Variants in MAST2 observed in about 807,000 individuals in gnomAD.
MAST2 encodes microtubule associated serine/threonine kinase 2.
MAST2 carries 70 observed loss-of-function variants against 147.4 expected under a neutral mutation model. That is an observed-to-expected ratio of 0.47 (90% confidence interval 0.39 to 0.58). The LOEUF (loss-of-function observed/expected upper bound fraction) is 0.58. Among genes scored for constraint, MAST2 ranks in the 20% least tolerant of loss-of-function variants. MAST2 has a pLI of 0.00. For synonymous variants in MAST2, 869 were observed against 896.8 expected (o/e 0.97, Z 0.55); for missense variants, 2,080 against 2,302.3 (o/e 0.90, Z 1.98).
chr1:45,974,590 C>A (rs1376114456), intron 5 of MAST2, among the ~76,000 whole-genome samples: 1 of 152,050 alleles, frequency 6.6e-6, no homozygotes, highest in Non-Finnish European at 1.5e-5. Context: ...AAGAGCAAGA[C>A]CCTGTCTCAA....
chr1:46,024,997 G>T (rs1315783745), intron 15 of MAST2, among the ~76,000 whole-genome samples: 1 of 152,164 alleles, frequency 6.6e-6, no homozygotes, highest in African/African-American at 2.4e-5. Context: ...ACAAGAGAGA[G>T]CTTGTGCAGG....
chr1:45,945,848 C>T (rs1305149878), intron 4 of MAST2, among the ~76,000 whole-genome samples: 1 of 152,090 alleles, frequency 6.6e-6, no homozygotes, highest in Non-Finnish European at 1.5e-5. Flanking sequence ...CTAGTAAAGA[C>T]AAACCAAATA....
Position 46,027,840 on chromosome 1 carries a change from G to A in MAST2, c.2029G>A (p.Ala677Thr). The A allele has an allele frequency of 1.2e-6, 2 of 1,614,138 alleles. No individual in the cohort carries two copies. The highest frequency in any genetic ancestry group is 1.7e-6 in the Non-Finnish European group (2 of 1,180,014). Residue 677 changes from alanine to threonine, a missense_variant, in exon 17 of 29, where the codon GCC becomes ACC. Transcript: ENST00000361297. ...GTATGAGGGTCATATTGAAAAGGAT[G>A]CCCGGGAATTCCTGGACAAGCAGGT... ...NLYEGHIEKD[A>T]REFLDKQVCG...
chr1:45,884,702 A>G (rs1647005466), intron 4 of MAST2, among the ~76,000 whole-genome samples: 1 of 152,206 alleles, frequency 6.6e-6, no homozygotes, highest in Non-Finnish European at 1.5e-5. Context: ...CTTTAATATA[A>G]ACAATATCCT....
At chr1:45,943,614 G>T (rs1344926438) in intron 4 of MAST2, among the ~76,000 whole-genome samples, 1 of 152,122 alleles carries the variant, frequency 6.6e-6, no homozygotes, top group South Asian at 2.1e-4. Flanking sequence ...GCGTGGTGAC[G>T]CGTGCCTGTA....
At chr1:45,858,095 C>G (rs1002585941) in intron 3 of MAST2, among the ~76,000 whole-genome samples, 1 of 151,964 alleles carries the variant, frequency 6.6e-6, no homozygotes, top group African/African-American at 2.4e-5. Flanking sequence ...GTCTTTATAG[C>G]AGCATGATTT....
intron 4 of MAST2, among the ~76,000 whole-genome samples, chr1:45,896,597 C>A (rs1383699277): frequency 1.3e-5 from 2 of 152,110 alleles, no homozygotes; most frequent in Non-Finnish European, 2.9e-5. Context: ...TTAAGACCCA[C>A]AGTCAGAAAG....
intron 5 of MAST2, among the ~76,000 whole-genome samples, chr1:45,972,423 T>G (rs1643951320): frequency 6.6e-6 from 1 of 152,220 alleles, no homozygotes; most frequent in Non-Finnish European, 1.5e-5. Flanking sequence ...AAGAAGAATC[T>G]GTGGCCAAGT....
At position 46,022,938 on chromosome 1, in the gene MAST2, T is replaced by A. The variant is rs202053891; in HGVS notation, c.1452T>A (p.Ser484Arg). Residue 484 changes from serine to arginine, a missense_variant, in exon 13 of 29, where the codon AGT becomes AGA. By Grantham distance (110) the Ser-to-Arg change is moderately radical. Around this residue, in one of 4 missense-constraint regions of MAST2, gnomAD observed 569 missense variants for 642.5 expected, o/e 0.89. Coordinates refer to ENST00000361297, the MANE Select transcript of MAST2 (RefSeq NM_015112.3). ...TGGCCCAGTTGAGCAGCTGTGACAG[T>A]CCTGACACTCCAGAGACAGATGATT... ...EEMAQLSSCD[S>R]PDTPETDDSI... is the part of the protein sequence containing the mutation. 1 of 1,614,190 alleles carries A rather than the reference T, an allele frequency of 6.2e-7. No homozygotes were observed. The highest frequency in any genetic ancestry group is 8.5e-7 in the Non-Finnish European group (1 of 1,180,018).
chr1:45,868,532 C>A (rs547853287), intron 3 of MAST2, among the ~76,000 whole-genome samples: 1 of 152,034 alleles, frequency 6.6e-6, no homozygotes, highest in Non-Finnish European at 1.5e-5. Flanking sequence ...TGCACCCCCC[C>A]CAACCCCCTG....
In MAST2 at chr1:45,844,898, G is replaced by T. The variant is rs528121838; in HGVS notation, c.468+15317G>T. Among the ~76,000 whole-genome samples the T allele has an allele frequency of 5.3e-5, 8 of 152,250 alleles. No individual in the cohort carries two copies. The South Asian group carries it at 1.7e-3, about 32-fold the overall frequency. On this transcript the variant is annotated intron_variant, in intron 3 of 28. Transcript: ENST00000361297. ...TTGGGGCTCAGAAGCCCAAGATCAA[G>T]GTACCAGCATCTGATGAGGGCTTTC...
At chr1:45,858,796 T>C (rs1427366188) in intron 3 of MAST2, among the ~76,000 whole-genome samples, 40 of 151,742 alleles carry the variant, frequency 2.6e-4, no homozygotes, top group Admixed American at 2.6e-3. Context: ...TTGTATAAGG[T>C]GTAAGGAAGG....
intron 10 of MAST2, among the ~76,000 whole-genome samples, chr1:46,016,400 T>A (rs1438704985): frequency 6.6e-6 from 1 of 152,040 alleles, no homozygotes; most frequent in Admixed American, 6.6e-5. Flanking sequence ...TGTCCCTGTT[T>A]CCAGATGACA....
intron 3 of MAST2, among the ~76,000 whole-genome samples, chr1:45,831,555 A>G (rs973322435): frequency 6.6e-5 from 10 of 152,126 alleles, no homozygotes; most frequent in African/African-American, 2.4e-4. Flanking sequence ...AGAAAAATAG[A>G]CAGAATGGTA....
At chr1:45,930,139 G>A (rs960420199) in intron 4 of MAST2, among the ~76,000 whole-genome samples, 1 of 151,962 alleles carries the variant, frequency 6.6e-6, no homozygotes, top group Non-Finnish European at 1.5e-5. Flanking sequence ...AGGCTGGAGT[G>A]CGCGATCTCA....
intron 6 of MAST2, among the ~76,000 whole-genome samples, chr1:45,998,814 G>A (rs1339666823): frequency 1.3e-5 from 2 of 150,558 alleles, no homozygotes; most frequent in South Asian, 2.1e-4. Flanking sequence ...TGCAAACTCC[G>A]CCTCCCGGGT....
At chr1:45,858,895 T>A (rs375636453) in intron 3 of MAST2, among the ~76,000 whole-genome samples, 4,026 of 151,924 alleles carry the variant, frequency 0.027, 75 homozygotes, top group Non-Finnish European at 0.041. Context: ...GTTTTTGTCA[T>A]GTTTGTCAAA....
intron 3 of MAST2, among the ~76,000 whole-genome samples, chr1:45,836,469 T>A (rs1056225820): frequency 1.3e-5 from 2 of 152,176 alleles, no homozygotes; most frequent in African/African-American, 2.4e-5. Context: ...ATTTATATTA[T>A]TTTAGTTGAA....
intron 3 of MAST2, among the ~76,000 whole-genome samples, chr1:45,872,852 C>G (rs1570469112): frequency 6.6e-6 from 1 of 152,264 alleles, no homozygotes; most frequent in African/African-American, 2.4e-5. Flanking sequence ...AAGAGAGTGA[C>G]TGGTTATTTC....
Sources: allele counts gnomAD v4.1 joint callset (sites outside exome capture counted in the v4.1 genomes callset), GRCh38; gene constraint gnomAD v4.1.1; regional missense constraint gnomAD v4.1.1; transcripts MANE v1.5; gene names NCBI Gene and HGNC (gene_info 2026-07-23, HGNC 2026-07-21).